The following C14orf132 variants were observed in gnomAD, a reference collection of about 807,000 sequenced individuals.
The protein encoded by C14orf132 is uncharacterized protein C14orf132.
Under a neutral mutation model 5.8 loss-of-function variants are expected in C14orf132, and 6 were observed. That is an observed-to-expected ratio of 1.03 (90% confidence interval 0.57 to 2.04). The LOEUF is 2.04. Among genes scored for constraint, C14orf132 ranks in the 30% most tolerant of loss-of-function variants. C14orf132 has a pLI of 0.00. For missense variants in C14orf132, 125 were observed against 115.8 expected, an observed-to-expected ratio of 1.08 and a Z score of -0.37; for synonymous variants, 51 against 49.8, an observed-to-expected ratio of 1.02 and a Z score of -0.10.
intron 1 of C14orf132, among the ~76,000 whole-genome samples, chr14:96,044,093 G>A (rs983624553): frequency 6.6e-6 from 1 of 152,234 alleles, no homozygotes; most frequent in Non-Finnish European, 1.5e-5. Flanking sequence ...GAGCTGGGGG[G>A]GCCAGGGACC....
chr14:96,054,017 C>T (rs1326561169), intron 1 of C14orf132, among the ~76,000 whole-genome samples: 3 of 144,770 alleles, frequency 2.1e-5, no homozygotes, highest in Non-Finnish European at 4.5e-5. Flanking sequence ...TGGTGGAAGG[C>T]CTTAATAAAT....
At chr14:96,082,689 C>T (rs1028775328) in intron 1 of C14orf132, among the ~76,000 whole-genome samples, 1 of 152,126 alleles carries the variant, frequency 6.6e-6, no homozygotes, top group Admixed American at 6.5e-5. Context: ...AGCACATGAC[C>T]AGAAATGCCG....
chr14:96,064,435 T>C (rs2139662316), intron 1 of C14orf132, among the ~76,000 whole-genome samples: 1 of 150,490 alleles, frequency 6.6e-6, no homozygotes, highest in Admixed American at 6.6e-5. Context: ...TACACATATA[T>C]ATGTGTATAT....
At chr14:96,083,894 C>T (rs981888860) in intron 1 of C14orf132, among the ~76,000 whole-genome samples, 4 of 152,180 alleles carry the variant, frequency 2.6e-5, no homozygotes, top group African/African-American at 9.6e-5. Context: ...GGGCATCACC[C>T]TGACCCGTTT....
rs186865096 is a variant in C14orf132, at chr14:96,090,829, G to A, written c.*4094G>A. ...CTCCTGAAGTGGGTCCCTGGAGACC[G>A]AAGAGGCTCAGTGGAGTCTGTCTGT... On this transcript the variant is annotated 3_prime_UTR_variant, in exon 2 of 2. Coordinates refer to ENST00000555004, the MANE Select transcript of C14orf132 (RefSeq NM_001252507.3). 92 of 456,102 alleles carry A rather than the reference G, an allele frequency of 2.0e-4. No individual in the cohort carries two copies. The highest frequency in any genetic ancestry group is 1.5e-3 in the African/African-American group (75 of 50,208). The allele number at this position is 456,102 out of a possible 1,614,324, so 28.3% of individuals were successfully genotyped here.
chr14:96,077,840 G>A (rs374426142), intron 1 of C14orf132, among the ~76,000 whole-genome samples: 22 of 152,340 alleles, frequency 1.4e-4, no homozygotes, highest in African/African-American at 2.9e-4. Flanking sequence ...GGTTAGTCTC[G>A]ACATGGCAGG....
At chr14:96,064,593 T>TATGTTCTC (rs769439626) in intron 1 of C14orf132, among the ~76,000 whole-genome samples, 12 of 151,910 alleles carry the variant, frequency 7.9e-5, no homozygotes, top group Non-Finnish European at 1.8e-4. Flanking sequence ...CCAAACATCA[T>TATGTTCTC]ATGTTCTCAC....
chr14:96,050,970 C>T (rs961699043), intron 1 of C14orf132, among the ~76,000 whole-genome samples: 2 of 152,164 alleles, frequency 1.3e-5, no homozygotes, highest in African/African-American at 4.8e-5. Context: ...CTCCTTTTCT[C>T]CCGTTGTGGG....
At chr14:96,065,801 G>GA (rs1266192435) in intron 1 of C14orf132, among the ~76,000 whole-genome samples, 1 of 152,160 alleles carries the variant, frequency 6.6e-6, no homozygotes, top group African/African-American at 2.4e-5. Context: ...ATCTGATTAG[G>GA]AGGCTGCTGA....
intron 1 of C14orf132, among the ~76,000 whole-genome samples, chr14:96,064,322 C>T (rs1328515295): frequency 6.7e-6 from 1 of 149,446 alleles, no homozygotes; most frequent in East Asian, 2.0e-4. Flanking sequence ...ACCCAAATGC[C>T]CATCAATCAT....
At chr14:96,067,377 A>G (rs1887562494) in intron 1 of C14orf132, among the ~76,000 whole-genome samples, 1 of 152,160 alleles carries the variant, frequency 6.6e-6, no homozygotes, top group Admixed American at 6.5e-5. Context: ...CTGAACCAGA[A>G]AGATAGCACA....
chr14:96,049,272 G>A (rs1410894384), intron 1 of C14orf132, among the ~76,000 whole-genome samples: 1 of 152,056 alleles, frequency 6.6e-6, no homozygotes, highest in Non-Finnish European at 1.5e-5. Context: ...AAATTTTTAA[G>A]AGCCTATTTT....
rs1000251830 is a variant in C14orf132, at chr14:96,093,820, C to G, written c.*7085C>G. 9.2e-5 allele frequency: 14 copies of G among 152,210 alleles called. No homozygotes were observed. Among genetic ancestry groups the G allele is most frequent in the Non-Finnish European group, 1.9e-4 (13 of 68,036 alleles). 9.4% of individuals were successfully genotyped at this position (152,210 alleles called of 1,614,324 possible). On this transcript the variant is annotated 3_prime_UTR_variant, in exon 2 of 2. Coordinates refer to ENST00000555004, the MANE Select transcript of C14orf132 (RefSeq NM_001252507.3). ...GTAAAAATGTATCTGTGAAATCTCA[C>G]TTTGTTAGCGTTGCTGCTGTTGTCA...
At chr14:96,059,339 G>A (rs1278457430) in intron 1 of C14orf132, among the ~76,000 whole-genome samples, 1 of 152,210 alleles carries the variant, frequency 6.6e-6, no homozygotes, top group Non-Finnish European at 1.5e-5. Context: ...AACACTGGAT[G>A]TGGTAATTTG....
At position 96,089,127 on chromosome 14, in the gene C14orf132, A is replaced by G. The variant is rs1012760447; in HGVS notation, c.*2392A>G. Reference sequence around the variant, plus strand: ...TTTTACCAGCATCTCTCAAATAACAATGAAGATAGATATGCCCATTAGTGT... The same window carrying G: ...TTTTACCAGCATCTCTCAAATAACAGTGAAGATAGATATGCCCATTAGTGT... On this transcript the variant is annotated 3_prime_UTR_variant, in exon 2 of 2. Coordinates refer to ENST00000555004, the MANE Select transcript of C14orf132 (RefSeq NM_001252507.3). 6.6e-6 allele frequency: 1 copy of G among 152,228 alleles called. No individual in the cohort carries two copies. The highest frequency in any genetic ancestry group is 1.5e-5 in the Non-Finnish European group (1 of 68,048). The allele number at this position is 152,228 out of a possible 1,614,324, so 9.4% of individuals were successfully genotyped here.
At chr14:96,044,494 A>G (rs1886782327) in intron 1 of C14orf132, among the ~76,000 whole-genome samples, 1 of 152,230 alleles carries the variant, frequency 6.6e-6, no homozygotes. Flanking sequence ...ACATTTTTAA[A>G]CAAATTCTTG....
chr14:96,078,661 A>G (rs1006198818), intron 1 of C14orf132, among the ~76,000 whole-genome samples: 4 of 152,172 alleles, frequency 2.6e-5, no homozygotes, highest in African/African-American at 9.7e-5. Flanking sequence ...AGATCCAGCA[A>G]AAGAAGTGGC....
chr14:96,049,518 ATATATATACACATATATACATACG>A (rs1566823597), intron 1 of C14orf132, among the ~76,000 whole-genome samples: 1 of 143,536 alleles, frequency 7.0e-6, no homozygotes, highest in African/African-American at 2.5e-5. Context: ...GTATATACGT[ATATATATACACATATATACATACG>A]TATATATATA....
chr14:96,080,822 G>A (rs2146936), intron 1 of C14orf132, among the ~76,000 whole-genome samples: 91,866 of 151,946 alleles, frequency 0.6, 28,267 homozygotes, highest in East Asian at 0.9. Flanking sequence ...CCGACACTGC[G>A]GGGCAGGGAC....
Sources: gnomAD v4.1 joint callset for allele counts (sites outside exome capture counted in the v4.1 genomes callset) on GRCh38, gnomAD v4.1.1 for gene constraint, MANE v1.5 for transcripts, NCBI Gene and HGNC (gene_info 2026-07-23, HGNC 2026-07-21) for gene names.